The following MINK1 variants were observed in gnomAD, a reference collection of about 807,000 sequenced individuals.
The protein encoded by MINK1 is misshapen-like kinase 1.
Under a neutral mutation model 178.4 loss-of-function variants are expected in MINK1, and 46 were observed. That is an observed-to-expected ratio of 0.26 (90% CI 0.20 to 0.33). The LOEUF (loss-of-function observed/expected upper bound fraction) is 0.33. MINK1 is among the 10% of genes least tolerant of loss of function. The pLI is 1.00. For missense variants in MINK1, 1,366 were observed against 1,814.9 expected (o/e 0.75, Z 4.49); for synonymous variants, 797 against 709.7 (o/e 1.12, Z -1.96).
At position 4,895,600 on chromosome 17, in the gene MINK1, C is replaced by A. The variant is rs1567625647; in HGVS notation, c.3230-98C>A. On this transcript the variant is annotated intron_variant, in intron 26 of 31. Transcript: ENST00000355280. This position sits in a 1 kb window ranked among gnomAD's most constrained non-coding sequence, Gnocchi z 4.3. Reference sequence around the variant, plus strand: ...GCACTGGAAGGTGGGGCCACACTTTCTCACCCCTTGTGGTATGCTGACAGA... The same window carrying A: ...GCACTGGAAGGTGGGGCCACACTTTATCACCCCTTGTGGTATGCTGACAGA... 1 of 1,553,302 alleles carries A rather than the reference C, an allele frequency of 6.4e-7. No homozygotes were observed. The highest frequency in any genetic ancestry group is 1.8e-5 in the Admixed American group (1 of 54,078).
chr17:4,891,223 C>CACA lies in MINK1; in HGVS notation c.1740+101_1740+102insAAC, dbSNP rs1555541497. On this transcript the variant is annotated intron_variant, in intron 15 of 31. Transcript: ENST00000355280. The stretch of plus-strand genomic sequence containing the variant: ...GCGCACACACACACACACACACACA[C>CACA]ACCTGCTCAGCCGTGAGCCAGGATT... The CACA allele has an allele frequency of 2.6e-6, 3 of 1,163,548 alleles. No homozygotes were observed. The African/African-American group carries it at 4.7e-5, about 18-fold the overall frequency. The allele number at this position is 1,163,548 out of a possible 1,614,324, so 72.1% of individuals were successfully genotyped here.
At chr17:4,843,303 C>A (rs1910525358) in intron 1 of MINK1, among the ~76,000 whole-genome samples, 1 of 152,050 alleles carries the variant, frequency 6.6e-6, no homozygotes, top group South Asian at 2.1e-4. Flanking sequence ...ATAGTGAAAC[C>A]CTGTCTCTAC....
chr17:4,879,244 A>G (rs921548014), intron 2 of MINK1, among the ~76,000 whole-genome samples: 1 of 152,026 alleles, frequency 6.6e-6, no homozygotes, highest in Admixed American at 6.6e-5. Context: ...ACCACTGCTC[A>G]CACTTGGATG....
intron 20 of MINK1, 33 bp from the exon 21 acceptor site, chr17:4,893,401 T>TCTCCCTGCCCCTCACGTGGCTC (rs753641625): frequency 8.1e-6 from 13 of 1,600,940 alleles, no homozygotes; most frequent in Non-Finnish European, 1.0e-5. Flanking sequence ...AGGCCCAGCT[T>TCTCCCTGCCCCTCACGTGGCTC]CTCCCTGCCC....
intron 4 of MINK1, 135 bp downstream of exon 4, chr17:4,881,392 C>G (rs1967688355): frequency 1.9e-6 from 2 of 1,033,326 alleles, no homozygotes; most frequent in Admixed American, 2.6e-5. Context: ...CTCCCCTGTC[C>G]CTGGACCCAG....
At chr17:4,897,012 G>A (rs1288557512) in intron 31 of MINK1, 192 bp from the exon 32 acceptor site, 4 of 899,378 alleles carry the variant, frequency 4.4e-6, no homozygotes, top group Admixed American at 2.8e-5. Context: ...CCCCCAGGGG[G>A]CGAGTGGTGC....
At position 4,892,495 on chromosome 17, in the gene MINK1, C is replaced by A; in HGVS notation, c.2181C>A (p.Gly727=). The A allele has an allele frequency of 6.4e-7, 1 of 1,560,784 alleles. No individual in the cohort carries two copies. Among genetic ancestry groups the A allele is most frequent in the African/African-American group, 1.4e-5 (1 of 73,462 alleles). Residue 727 remains glycine, a synonymous_variant, in exon 18 of 32, where the codon GGC becomes GGA. Transcript: ENST00000355280. ...CAGGGCCCCCTGCTCAGCCCCCTGG[C>A]CCGCCCAACGCCTCTAGGTAATAGA... ...KPPGPPAQPP[G]PPNASSNPDL... is the part of the protein sequence containing the mutation.
chr17:4,891,212 AC>A, intron 15 of MINK1, 88 bp downstream of exon 15: 3 of 1,162,840 alleles, frequency 2.6e-6, no homozygotes, highest in Admixed American at 2.9e-5. Context: ...ACACACACAC[AC>A]ACACACACAC....
intron 13 of MINK1, chr17:4,890,034 C>A: frequency 1.9e-6 from 1 of 534,500 alleles, no homozygotes; most frequent in Non-Finnish European, 3.3e-6. Context: ...CCCTCTTCTT[C>A]CCCATCTGTG....
chr17:4,849,653 A>G (rs1326851007), intron 1 of MINK1, among the ~76,000 whole-genome samples: 1 of 151,608 alleles, frequency 6.6e-6, no homozygotes, highest in Non-Finnish European at 1.5e-5. Context: ...GCTCATCGCA[A>G]CCTCCATCTC....
chr17:4,866,980 G>A (rs557477938), intron 1 of MINK1, among the ~76,000 whole-genome samples: 2 of 151,008 alleles, frequency 1.3e-5, no homozygotes, highest in South Asian at 4.2e-4. Context: ...GGCTGAGGCG[G>A]GACAATGGCG....
intron 17 of MINK1, 27 bp downstream of exon 17, chr17:4,892,261 G>C: frequency 1.3e-6 from 2 of 1,547,916 alleles, no homozygotes; most frequent in African/African-American, 1.4e-5. Flanking sequence ...GCAACGCCTG[G>C]GTGAGGTCTG....
intron 1 of MINK1, among the ~76,000 whole-genome samples, chr17:4,866,172 T>G (rs1389361731): frequency 6.6e-6 from 1 of 151,734 alleles, no homozygotes; most frequent in African/African-American, 2.4e-5. Context: ...AATCATAGAG[T>G]TAGAAAGTTT....
chr17:4,847,360 T>C, intron 1 of MINK1: 1 of 405,346 alleles, frequency 2.5e-6, no homozygotes, highest in South Asian at 1.8e-5. Context: ...TGCCTCAGCC[T>C]CTAGCGTAGC....
At chr17:4,892,918 T>C in intron 19 of MINK1, 61 bp from the exon 20 acceptor site, 2 of 1,453,828 alleles carry the variant, frequency 1.4e-6, no homozygotes, top group South Asian at 1.2e-5. Context: ...GGGCTCAGGG[T>C]GTGGGCTTGA....
chr17:4,889,470 G>A (rs897202033), intron 12 of MINK1, among the ~76,000 whole-genome samples, 177 bp from the exon 13 acceptor site: 1 of 152,120 alleles, frequency 6.6e-6, no homozygotes, highest in Non-Finnish European at 1.5e-5. Context: ...CTGTTTACCC[G>A]AGCCCAGCCC....
At chr17:4,835,488 G>C (rs976109581) in intron 1 of MINK1, among the ~76,000 whole-genome samples, 1 of 152,152 alleles carries the variant, frequency 6.6e-6, no homozygotes, top group Admixed American at 6.5e-5. Flanking sequence ...TTAGCCACAC[G>C]TGGTGGCACA....
chr17:4,894,913 T>C lies in MINK1; in HGVS notation c.2918-162T>C, dbSNP rs893296904. 16 of 793,902 alleles carry C rather than the reference T, an allele frequency of 2.0e-5. No homozygotes were observed. Among genetic ancestry groups the C allele is most frequent in the Non-Finnish European group, 3.2e-5 (16 of 507,574 alleles). 49.2% of individuals were successfully genotyped at this position (793,902 alleles called of 1,614,324 possible). On this transcript the variant is annotated intron_variant, in intron 24 of 31. Transcript: ENST00000355280. This position sits in a 1 kb window ranked among gnomAD's most constrained non-coding sequence, Gnocchi z 4.1. Reference sequence around the variant, plus strand: ...TTGAGCCAGACCTTTTGACTCCAAGTCCAGCACTCTATCCCCCTCTCCCAT... The same window carrying C: ...TTGAGCCAGACCTTTTGACTCCAAGCCCAGCACTCTATCCCCCTCTCCCAT...
intron 1 of MINK1, chr17:4,857,474 T>TG (rs1913382507): frequency 6.9e-6 from 1 of 145,150 alleles, no homozygotes; most frequent in Non-Finnish European, 1.5e-5. Flanking sequence ...TTTTTTTTTT[T>TG]TTTTTTTTTT....
Sources: gnomAD v4.1 joint callset for allele counts (sites outside exome capture counted in the v4.1 genomes callset) on GRCh38, gnomAD v4.1.1 for gene constraint, Gnocchi (gnomAD v3.1) non-coding constraint, MANE v1.5 for transcripts, NCBI Gene and HGNC (gene_info 2026-07-23, HGNC 2026-07-21) for gene names.